Variants in AUTS2 observed in about 807,000 individuals in gnomAD.
The protein encoded by AUTS2 is activator of transcription and developmental regulator AUTS2, also known as autism susceptibility gene 2 protein.
A neutral mutation model predicts 112.4 loss-of-function variants in AUTS2; 17 were observed. The ratio of observed to expected loss-of-function variants is 0.15; its 90% CI spans 0.10 to 0.23. The LOEUF (loss-of-function observed/expected upper bound fraction) is 0.23. Ranked by LOEUF, AUTS2 falls within the 10% of genes least tolerant of loss-of-function variation. AUTS2 has a pLI of 1.00. For missense variants in AUTS2, 1,510 were observed against 1,701.6 expected (o/e 0.89, Z 1.98); for synonymous variants, 751 against 702.7 (o/e 1.07, Z -1.09).
At chr7:70,059,357 T>C (rs1802138330) in intron 2 of AUTS2, among the ~76,000 whole-genome samples, 1 of 152,216 alleles carries the variant, frequency 6.6e-6, no homozygotes, top group Non-Finnish European at 1.5e-5. Flanking sequence ...TTCTTAGCAC[T>C]GAGTAGTACA....
intron 1 of AUTS2, among the ~76,000 whole-genome samples, chr7:69,874,995 C>T (rs528668047): frequency 3.8e-4 from 58 of 151,714 alleles, no homozygotes; most frequent in South Asian, 2.5e-3. Flanking sequence ...CCTCCCTGAA[C>T]CTTCGATGAT....
intron 4 of AUTS2, among the ~76,000 whole-genome samples, chr7:70,275,438 A>G (rs1787883085): frequency 6.6e-6 from 1 of 152,184 alleles, no homozygotes; most frequent in African/African-American, 2.4e-5. Context: ...ACAAGGTTTC[A>G]TTTTGGGATG....
At chr7:70,445,465 A>G (rs979007862) in intron 5 of AUTS2, among the ~76,000 whole-genome samples, 1 of 152,178 alleles carries the variant, frequency 6.6e-6, no homozygotes, top group African/African-American at 2.4e-5. Flanking sequence ...CTAAAAATTC[A>G]AACATGGCGG....
intron 5 of AUTS2, among the ~76,000 whole-genome samples, chr7:70,676,410 C>T (rs541945021): frequency 1.3e-4 from 20 of 151,584 alleles, no homozygotes; most frequent in African/African-American, 3.6e-4. Context: ...CCAGTCTGGG[C>T]GACAGAGCCA....
At chr7:69,729,383 C>A (rs1786675389) in intron 1 of AUTS2, among the ~76,000 whole-genome samples, 2 of 148,646 alleles carry the variant, frequency 1.3e-5, no homozygotes, top group South Asian at 4.3e-4. Flanking sequence ...AGTCTCTAAT[C>A]TATTATGGGA....
intron 1 of AUTS2, among the ~76,000 whole-genome samples, chr7:69,705,992 C>A (rs1048693858): frequency 1.3e-5 from 2 of 152,120 alleles, no homozygotes; most frequent in African/African-American, 4.8e-5. Context: ...GACCTTCTCT[C>A]CAAATACGGT....
In AUTS2 at chr7:70,094,497, C is replaced by CT. The variant is rs1345270032; in HGVS notation, c.523-23634dup. Among the ~76,000 whole-genome samples, 9 of 152,230 alleles carry CT rather than the reference C, an allele frequency of 5.9e-5. 1 individual carries two copies. The highest frequency in any genetic ancestry group is 1.5e-5 in the Non-Finnish European group (1 of 68,034). ...TTGAAAGTTAAAAACCGGTCTGTGT[C>CT]TGTTTTCTTCTCCCTTTTCACTCTA... On this transcript the variant is annotated intron_variant, in intron 2 of 18. Transcript: ENST00000342771.
Position 69,888,540 on chromosome 7 carries a change from GATATATATATATATAT to G in AUTS2, c.310-10729_310-10714del, listed in dbSNP as rs60804022. Among the ~76,000 whole-genome samples the G allele has an allele frequency of 1.9e-3, 186 of 99,230 alleles. 5 individuals carry two copies. The highest frequency in any genetic ancestry group is 7.5e-3 in the African/African-American group (175 of 23,454). 65.1% of individuals were successfully genotyped at this position (99,230 alleles called of 152,430 possible). ...CTTAGGCCCCACCTCCAACATTGGG[GATATATATATATATAT>G]ATATATATATATATATGTATGGTTT... On this transcript the variant is annotated intron_variant, in intron 1 of 18. Transcript: ENST00000342771.
intron 4 of AUTS2, among the ~76,000 whole-genome samples, chr7:70,392,723 TTAAGA>T (rs1793918761): frequency 6.6e-6 from 1 of 152,246 alleles, no homozygotes; most frequent in Non-Finnish European, 1.5e-5. Context: ...TAGCAGGTCC[TTAAGA>T]TAAGATTCAG....
intron 1 of AUTS2, among the ~76,000 whole-genome samples, chr7:69,771,213 A>G (rs1788650075): frequency 6.6e-6 from 1 of 152,210 alleles, no homozygotes; most frequent in South Asian, 2.1e-4. Context: ...CCTGTATGTG[A>G]ACTCACAGGT....
chr7:70,531,108 C>T (rs1800065959), intron 5 of AUTS2, among the ~76,000 whole-genome samples: 1 of 58,210 alleles, frequency 1.7e-5, no homozygotes, highest in Non-Finnish European at 3.3e-5. Context: ...TTGGCTGACT[C>T]CTGGCTTAGA....
chr7:69,964,015 C>T (rs1228402984), intron 2 of AUTS2, among the ~76,000 whole-genome samples: 1 of 152,154 alleles, frequency 6.6e-6, no homozygotes, highest in Non-Finnish European at 1.5e-5. Flanking sequence ...GTTCTAGACT[C>T]ATGCAAATAT....
At chr7:70,486,083 T>C (rs1035012165) in intron 5 of AUTS2, among the ~76,000 whole-genome samples, 2 of 152,014 alleles carry the variant, frequency 1.3e-5, no homozygotes, top group Non-Finnish European at 2.9e-5. Context: ...TTTGCAAGGG[T>C]TGATGACATT....
At chr7:70,607,509 G>A (rs28444803) in intron 5 of AUTS2, among the ~76,000 whole-genome samples, 1 of 152,180 alleles carries the variant, frequency 6.6e-6, no homozygotes, top group African/African-American at 2.4e-5. Context: ...GACTGGAAGA[G>A]TCTGGGGAAC....
At chr7:69,915,436 A>G (rs1159281600) in intron 2 of AUTS2, among the ~76,000 whole-genome samples, 1 of 152,182 alleles carries the variant, frequency 6.6e-6, no homozygotes, top group Non-Finnish European at 1.5e-5. Flanking sequence ...TACCTGGCGC[A>G]TTGGTTTTAT....
chr7:70,090,050 AAAT>A (rs1204053119), intron 2 of AUTS2, among the ~76,000 whole-genome samples: 3 of 149,820 alleles, frequency 2.0e-5, no homozygotes, highest in African/African-American at 4.9e-5. Flanking sequence ...ATAAATTTAA[AAAT>A]AATAATAAAA....
At chr7:70,644,923 C>T (rs1001314265) in intron 5 of AUTS2, among the ~76,000 whole-genome samples, 1 of 152,150 alleles carries the variant, frequency 6.6e-6, no homozygotes, top group African/African-American at 2.4e-5. Context: ...CTCCAAGAGG[C>T]GGGCCTCTGG....
rs75350511 is a variant in AUTS2 at position 70,637,281 on chromosome 7, G to A, written c.691-61288G>A. Among the ~76,000 whole-genome samples, 976 of 152,282 alleles carry A rather than the reference G, an allele frequency of 6.4e-3. 22 individuals are homozygous for A. The highest frequency in any genetic ancestry group is 0.045 in the East Asian group (235 of 5,176). On this transcript the variant is annotated intron_variant, in intron 5 of 18. Coordinates refer to ENST00000342771, the MANE Select transcript of AUTS2 (RefSeq NM_015570.4). ...AGATTGAGGCCACTGGTTTGATGTGGGGCTCGGCCACTGAGTTTCTTTAAA... is the reference window on the plus strand; with the variant it reads ...AGATTGAGGCCACTGGTTTGATGTGAGGCTCGGCCACTGAGTTTCTTTAAA...
chr7:70,434,019 A>T (rs1026498587), intron 4 of AUTS2, among the ~76,000 whole-genome samples: 1 of 151,972 alleles, frequency 6.6e-6, no homozygotes, highest in African/African-American at 2.4e-5. Context: ...CCTTGGTCCC[A>T]CTCTGTTGTT....
Sources: gnomAD v4.1 joint callset for allele counts (sites outside exome capture counted in the v4.1 genomes callset) on GRCh38, gnomAD v4.1.1 for gene constraint, MANE v1.5 for transcripts, NCBI Gene and HGNC (gene_info 2026-07-23, HGNC 2026-07-21) for gene names.